Variants in NRG3 observed in about 807,000 individuals in gnomAD.
The protein encoded by NRG3 is pro-neuregulin-3, membrane-bound isoform.
A neutral mutation model predicts 66.9 loss-of-function variants in NRG3; 31 were observed. The ratio of observed to expected loss-of-function variants is 0.46; its 90% confidence interval spans 0.35 to 0.63. NRG3 has a LOEUF of 0.63. Ranked by LOEUF, NRG3 falls within the 20% of genes least tolerant of loss-of-function variation. NRG3 has a pLI of 0.00. For synonymous variants in NRG3, 393 were observed against 359.4 expected (o/e 1.09, Z -1.06); for missense variants, 910 against 878.9 (o/e 1.04, Z -0.45).
chr10:82,985,579 CA>C lies in NRG3; in HGVS notation c.2068del (p.Arg690GlufsTer5). ...GCAATTTGTCTTAAGAAATGAAATACAAAGAGACTCTGCATTGACCAAGTGA... is the reference window on the plus strand; with the variant it reads ...GCAATTTGTCTTAAGAAATGAAATACAAGAGACTCTGCATTGACCAAGTGA... ...EAQFVLRNEI[Q>X]RDSALTK is the part of the protein sequence containing the mutation. On this transcript the variant is annotated frameshift_variant, in exon 9 of 9. Coordinates refer to ENST00000372141, the MANE Select transcript of NRG3 (RefSeq NM_001010848.4). LOFTEE classifies it high-confidence loss of function. The C allele has an allele frequency of 6.2e-7, 1 of 1,612,906 alleles. No homozygotes were observed. Among genetic ancestry groups the C allele is most frequent in the Non-Finnish European group, 8.5e-7 (1 of 1,179,938 alleles).
At chr10:82,817,715 C>T (rs2061773977) in intron 3 of NRG3, among the ~76,000 whole-genome samples, 1 of 152,204 alleles carries the variant, frequency 6.6e-6, no homozygotes, top group Non-Finnish European at 1.5e-5. Context: ...TTCAATTCAG[C>T]AGCCATTAAA....
At chr10:82,830,725 CT>C (rs1192549190) in intron 3 of NRG3, among the ~76,000 whole-genome samples, 1 of 152,042 alleles carries the variant, frequency 6.6e-6, no homozygotes, top group Non-Finnish European at 1.5e-5. Flanking sequence ...TGCTTGTAGC[CT>C]ATATGTTTGT....
intron 1 of NRG3, among the ~76,000 whole-genome samples, chr10:82,102,785 A>C (rs1352287960): frequency 6.6e-6 from 1 of 151,796 alleles, no homozygotes; most frequent in Non-Finnish European, 1.5e-5. Flanking sequence ...TAGATTTTTA[A>C]TTTTCCCCTT....
intron 6 of NRG3, among the ~76,000 whole-genome samples, chr10:82,968,708 A>G (rs540857797): frequency 5.5e-5 from 8 of 146,228 alleles, no homozygotes; most frequent in Admixed American, 1.4e-4. Context: ...ACTGACTTTT[A>G]GTGATTTGGC....
chr10:82,917,966 G>GTA lies in NRG3; in HGVS notation c.1055-33502_1055-33501insAT, dbSNP rs1216370656. ...TATGTGGGATTGTGTGTGTGTGTGT[G>GTA]TGTGTATATATATATATATATATAT... On this transcript the variant is annotated intron_variant, in intron 4 of 8. Transcript: ENST00000372141. Among the ~76,000 whole-genome samples the GTA allele has an allele frequency of 4.2e-3, 384 of 92,332 alleles. 1 individual carries two copies. The highest frequency in any genetic ancestry group is 0.012 in the Middle Eastern group (2 of 168). The allele number at this position is 92,332 out of a possible 152,430, so 60.6% of individuals were successfully genotyped here.
At chr10:82,803,897 C>A (rs60057682) in intron 3 of NRG3, among the ~76,000 whole-genome samples, 15,229 of 152,194 alleles carry the variant, frequency 0.1, 870 homozygotes, top group Middle Eastern at 0.16. Flanking sequence ...CAACCATAGT[C>A]CAAAAATATT....
At chr10:82,089,022 A>G (rs1241446805) in intron 1 of NRG3, among the ~76,000 whole-genome samples, 2 of 152,018 alleles carry the variant, frequency 1.3e-5, no homozygotes, top group Non-Finnish European at 2.9e-5. Flanking sequence ...TCAACAAAGT[A>G]TGAAAATGAA....
chr10:82,748,235 CT>C (rs990309637), intron 3 of NRG3, among the ~76,000 whole-genome samples: 35 of 151,492 alleles, frequency 2.3e-4, no homozygotes, highest in African/African-American at 8.5e-4. Context: ...TTGATTTGAA[CT>C]TGATTACATA....
At chr10:81,992,461 A>G (rs2060779279) in intron 1 of NRG3, among the ~76,000 whole-genome samples, 1 of 152,204 alleles carries the variant, frequency 6.6e-6, no homozygotes, top group Non-Finnish European at 1.5e-5. Flanking sequence ...GGCATAAGAA[A>G]CATATATAAA....
At chr10:81,951,477 TAC>T (rs1450256333) in intron 1 of NRG3, among the ~76,000 whole-genome samples, 3 of 152,116 alleles carry the variant, frequency 2.0e-5, no homozygotes, top group African/African-American at 7.2e-5. Context: ...GCTGAGCTTA[TAC>T]ACACACACAG....
At chr10:82,783,742 T>C (rs1240607383) in intron 3 of NRG3, among the ~76,000 whole-genome samples, 4 of 152,266 alleles carry the variant, frequency 2.6e-5, no homozygotes, top group Non-Finnish European at 5.9e-5. Flanking sequence ...TCCATGCTCG[T>C]GGGTAGGAAG....
chr10:82,166,654 A>T (rs959275973), intron 1 of NRG3: 18 of 419,656 alleles, frequency 4.3e-5, no homozygotes, highest in Non-Finnish European at 7.5e-5. Context: ...ACACATATAT[A>T]TGTATATATA....
At chr10:82,559,590 C>G (rs1394089201) in intron 2 of NRG3, among the ~76,000 whole-genome samples, 1 of 152,172 alleles carries the variant, frequency 6.6e-6, no homozygotes, top group Non-Finnish European at 1.5e-5. Context: ...TTCCTGCAAC[C>G]CAGAAGGACA....
chr10:82,401,249 A>G (rs1336388095), intron 2 of NRG3, among the ~76,000 whole-genome samples: 3 of 152,164 alleles, frequency 2.0e-5, no homozygotes, highest in Non-Finnish European at 4.4e-5. Context: ...TATATATGTT[A>G]TATTGTATAC....
intron 2 of NRG3, among the ~76,000 whole-genome samples, chr10:82,724,146 C>A (rs1343628442): frequency 6.6e-6 from 1 of 150,376 alleles, no homozygotes; most frequent in Non-Finnish European, 1.5e-5. Context: ...CCTGGTTTTC[C>A]CCCAACAAAT....
intron 1 of NRG3, among the ~76,000 whole-genome samples, chr10:81,894,515 T>C (rs1843333229): frequency 6.6e-6 from 1 of 152,144 alleles, no homozygotes; most frequent in South Asian, 2.1e-4. Context: ...TAATTTTAAA[T>C]TAATCACCAC....
intron 3 of NRG3, among the ~76,000 whole-genome samples, chr10:82,759,143 TA>T (rs2059199947): frequency 6.6e-6 from 1 of 151,266 alleles, no homozygotes; most frequent in Non-Finnish European, 1.5e-5. Flanking sequence ...GGGAATGGGT[TA>T]GTCTGGTGTT....
At chr10:82,962,902 T>C (rs11815363) in intron 6 of NRG3, among the ~76,000 whole-genome samples, 13,771 of 151,978 alleles carry the variant, frequency 0.091, 822 homozygotes, top group African/African-American at 0.16. Context: ...GCCTTAAAAA[T>C]TGGTGAAAAG....
chr10:82,650,262 C>T (rs772246945), intron 2 of NRG3, among the ~76,000 whole-genome samples: 12 of 152,120 alleles, frequency 7.9e-5, no homozygotes, highest in Admixed American at 2.0e-4. Flanking sequence ...GTAATTGTTA[C>T]AGCAACCTTA....
Sources: allele counts gnomAD v4.1 joint callset (sites outside exome capture counted in the v4.1 genomes callset), GRCh38; gene constraint gnomAD v4.1.1; transcripts MANE v1.5; gene names NCBI Gene and HGNC (gene_info 2026-07-23, HGNC 2026-07-21).